FGF2: variants seen among roughly 807,000 people sequenced by gnomAD.
FGF2 encodes fibroblast growth factor 2.
A neutral mutation model predicts 15.9 loss-of-function variants in FGF2; 13 were observed. The observed-to-expected ratio is 0.82, with a 90% CI of 0.53 to 1.30. The LOEUF is 1.30. Among genes scored for constraint, FGF2 ranks in the 50% most tolerant of loss-of-function variants. The pLI, the probability that FGF2 is intolerant of heterozygous loss-of-function variation, is 0.00. For missense variants in FGF2, 163 were observed against 196.9 expected (o/e 0.83, Z 1.03); for synonymous variants, 90 against 78.4 (o/e 1.15, Z -0.78).
intron 1 of FGF2, among the ~76,000 whole-genome samples, chr4:122,838,798 G>A (rs1725917350): frequency 6.6e-6 from 1 of 152,012 alleles, no homozygotes; most frequent in African/African-American, 2.4e-5. Flanking sequence ...AGTATTTAAG[G>A]GCTTCTTAAG....
In FGF2 at chr4:122,894,176, A is replaced by C. The variant is rs569432713; in HGVS notation, c.*1780A>C. On this transcript the variant is annotated 3_prime_UTR_variant, in exon 3 of 3. Transcript: ENST00000644866. Reference sequence around the variant, plus strand: ...TAATAGCTATGGAAAGATGCATAGAAAGAGTATAATGTTTTAAAACATAAG... The same window carrying C: ...TAATAGCTATGGAAAGATGCATAGACAGAGTATAATGTTTTAAAACATAAG... 6.6e-6 allele frequency: 1 copy of C among 152,246 alleles called. No homozygotes were observed. Among genetic ancestry groups the C allele is most frequent in the East Asian group, 1.9e-4 (1 of 5,208 alleles). 9.4% of individuals were successfully genotyped at this position (152,246 alleles called of 1,614,324 possible).
intron 1 of FGF2, among the ~76,000 whole-genome samples, chr4:122,847,367 G>C (rs1726134240): frequency 6.6e-6 from 1 of 152,162 alleles, no homozygotes; most frequent in Non-Finnish European, 1.5e-5. Flanking sequence ...GGAGTCTGTG[G>C]AGTGGGAGTG....
chr4:122,882,646 C>T (rs940562209), intron 2 of FGF2: 4 of 152,210 alleles, frequency 2.6e-5, no homozygotes, highest in African/African-American at 9.7e-5. Context: ...GTATCACAAA[C>T]ACTCTGTAGA....
intron 2 of FGF2, chr4:122,882,496 T>G (rs1726979048): frequency 6.6e-6 from 1 of 152,206 alleles, no homozygotes; most frequent in Admixed American, 6.5e-5. Context: ...AGTTTTCTAG[T>G]TTCATTCTTA....
At chr4:122,880,724 T>C (rs1726944868) in intron 2 of FGF2, among the ~76,000 whole-genome samples, 1 of 152,158 alleles carries the variant, frequency 6.6e-6, no homozygotes, top group South Asian at 2.1e-4. Flanking sequence ...TGTCTGTGGC[T>C]TTTCTAGGTG....
At chr4:122,875,534 C>T (rs1396302386) in intron 1 of FGF2, among the ~76,000 whole-genome samples, 2 of 151,630 alleles carry the variant, frequency 1.3e-5, no homozygotes, top group African/African-American at 2.4e-5. Context: ...TAGGGCCGGG[C>T]GCGGTGGCTC....
rs1727325129 is a variant in FGF2, at chr4:122,895,599, T to C, written c.*3203T>C. On this transcript the variant is annotated 3_prime_UTR_variant, in exon 3 of 3. Transcript: ENST00000644866. The stretch of plus-strand genomic sequence containing the variant: ...CTTCCTGCCAGTGGTAATACGATTT[T>C]TTAAGAAGGCAGTTTGTCAATTTTA... 6.6e-6 allele frequency: 1 copy of C among 152,226 alleles called. No homozygotes were observed. Among genetic ancestry groups the C allele is most frequent in the Non-Finnish European group, 1.5e-5 (1 of 68,036 alleles). 9.4% of individuals were successfully genotyped at this position (152,226 alleles called of 1,614,324 possible). A position where few individuals can be genotyped will look rare whatever the true frequency, so the allele number is the denominator to read the frequency against.
At chr4:122,878,944 G>A (rs1335017838) in intron 2 of FGF2, among the ~76,000 whole-genome samples, 1 of 152,202 alleles carries the variant, frequency 6.6e-6, no homozygotes, top group Non-Finnish European at 1.5e-5. Flanking sequence ...TTTAGTTTGA[G>A]TTGCCTAAGG....
chr4:122,856,510 T>G (rs1211037915), intron 1 of FGF2, among the ~76,000 whole-genome samples: 1 of 152,218 alleles, frequency 6.6e-6, no homozygotes, highest in South Asian at 2.1e-4. Context: ...ATCTTATTTA[T>G]ATTGCTTAGC....
chr4:122,872,829 G>A (rs138454969), intron 1 of FGF2, among the ~76,000 whole-genome samples: 103 of 152,226 alleles, frequency 6.8e-4, no homozygotes, highest in African/African-American at 2.4e-3. Context: ...AGATGCTGAG[G>A]GATTTTGTCA....
chr4:122,878,800 A>G (rs1726907684), intron 2 of FGF2, among the ~76,000 whole-genome samples: 2 of 152,150 alleles, frequency 1.3e-5, no homozygotes, highest in African/African-American at 4.8e-5. Flanking sequence ...GATTGATTAG[A>G]TTTAGGACTG....
chr4:122,885,214 A>G (rs914686934), intron 2 of FGF2, among the ~76,000 whole-genome samples: 13 of 152,190 alleles, frequency 8.5e-5, no homozygotes, highest in African/African-American at 3.1e-4. Context: ...TGTAAATGTC[A>G]TTGAATTATA....
intron 1 of FGF2, among the ~76,000 whole-genome samples, chr4:122,857,187 A>G (rs1197852717): frequency 6.6e-6 from 1 of 152,164 alleles, no homozygotes; most frequent in African/African-American, 2.4e-5. Flanking sequence ...AAACCAGGCC[A>G]AGAAGTGTCC....
chr4:122,865,385 G>A (rs1726553453), intron 1 of FGF2, among the ~76,000 whole-genome samples: 2 of 152,078 alleles, frequency 1.3e-5, no homozygotes, highest in Non-Finnish European at 2.9e-5. Context: ...CCGCCTCCCA[G>A]GCCCAAGCAA....
At chr4:122,848,812 C>T (rs1265041758) in intron 1 of FGF2, among the ~76,000 whole-genome samples, 1 of 152,180 alleles carries the variant, frequency 6.6e-6, no homozygotes, top group Non-Finnish European at 1.5e-5. Flanking sequence ...AGCACTTGTG[C>T]TTTAGGTTCT....
In FGF2 at chr4:122,827,421, G is replaced by T. The variant is rs1174342544; in HGVS notation, c.178+69G>T. The T allele has an allele frequency of 1.8e-5, 28 of 1,540,368 alleles. No homozygotes were observed. The highest frequency in any genetic ancestry group is 2.4e-5 in the Non-Finnish European group (27 of 1,118,068). On this transcript the variant is annotated intron_variant, in intron 1 of 2. Transcript: ENST00000644866. This position sits in a 1 kb window ranked among gnomAD's most constrained non-coding sequence, Gnocchi z 4.2. The stretch of plus-strand genomic sequence containing the variant: ...GTTCTCGCCCGCTCTCTCCCCTCCA[G>T]CCTGCACCCTCCTCCCGGATCTTCA...
Position 122,894,576 on chromosome 4 carries a change from G to T in FGF2, c.*2180G>T, listed in dbSNP as rs1244467861. On this transcript the variant is annotated 3_prime_UTR_variant, in exon 3 of 3. Coordinates refer to ENST00000644866, the MANE Select transcript of FGF2 (RefSeq NM_001361665.2). Reference sequence around the variant, plus strand: ...CAGTCCAGCCTAGGCAACAGAGTGAGACTTTGTCTCAAAAAAAGAGAAATT... The same window carrying T: ...CAGTCCAGCCTAGGCAACAGAGTGATACTTTGTCTCAAAAAAAGAGAAATT... The T allele has an allele frequency of 2.6e-5, 4 of 152,070 alleles. No individual in the cohort carries two copies. In the South Asian group the frequency reaches 8.3e-4, roughly 32 times the overall value. The allele number at this position is 152,070 out of a possible 1,614,324, so 9.4% of individuals were successfully genotyped here. A position where few individuals can be genotyped will look rare whatever the true frequency, so the allele number is the denominator to read the frequency against.
chr4:122,887,996 G>C (rs1727093319), intron 2 of FGF2, among the ~76,000 whole-genome samples: 1 of 152,308 alleles, frequency 6.6e-6, no homozygotes, highest in East Asian at 1.9e-4. Flanking sequence ...TAAATGATGT[G>C]TCTGTTGCAT....
chr4:122,882,389 T>G (rs1726976973), intron 2 of FGF2: 1 of 152,224 alleles, frequency 6.6e-6, no homozygotes, highest in Non-Finnish European at 1.5e-5. Flanking sequence ...AATGTAGACC[T>G]GAAAAGAGAA....
Sources: allele counts gnomAD v4.1 joint callset (sites outside exome capture counted in the v4.1 genomes callset), GRCh38; gene constraint gnomAD v4.1.1; non-coding constraint Gnocchi (gnomAD v3.1); transcripts MANE v1.5; gene names NCBI Gene and HGNC (gene_info 2026-07-23, HGNC 2026-07-21).